DOK6: variants seen among roughly 807,000 people sequenced by gnomAD.
DOK6 encodes the protein docking protein 6.
In DOK6, 22 loss-of-function variants were observed where a neutral mutation model predicts 44.0. The ratio of observed to expected loss-of-function variants is 0.50; its 90% confidence interval spans 0.36 to 0.71. DOK6 has a LOEUF of 0.71. Among genes scored for constraint, DOK6 ranks in the 30% least tolerant of loss-of-function variants. The pLI is 0.00. For missense variants in DOK6, 340 were observed against 416.4 expected, an observed-to-expected ratio of 0.82 and a Z score of 1.60; for synonymous variants, 166 against 145.5, an observed-to-expected ratio of 1.14 and a Z score of -1.01.
Position 69,629,355 on chromosome 18 carries a change from AT to A in DOK6, c.289+29865del, listed in dbSNP as rs952382405. ...AAGATATCAAATATTATAGCTGCTT[AT>A]TTTTTTTCAATCATACTCAATGGCC... On this transcript the variant is annotated intron_variant, in intron 3 of 7. Coordinates refer to ENST00000382713, the MANE Select transcript of DOK6 (RefSeq NM_152721.6). Among the ~76,000 whole-genome samples, 67 of 152,050 alleles carry A rather than the reference AT, an allele frequency of 4.4e-4. 3 individuals carry two copies. Among genetic ancestry groups the A allele is most frequent in the African/African-American group, 1.3e-3 (54 of 41,476 alleles).
intron 1 of DOK6, among the ~76,000 whole-genome samples, chr18:69,490,167 G>C (rs1980695723): frequency 6.6e-6 from 1 of 152,052 alleles, no homozygotes; most frequent in South Asian, 2.1e-4. Context: ...CAAACTTCTT[G>C]CTGTAATGGG....
chr18:69,470,609 C>A (rs1003376154), intron 1 of DOK6, among the ~76,000 whole-genome samples: 2 of 152,040 alleles, frequency 1.3e-5, no homozygotes, highest in African/African-American at 4.8e-5. Context: ...CCCACCCTGC[C>A]CCTTTCTTCC....
At chr18:69,465,684 A>G (rs939118622) in intron 1 of DOK6, among the ~76,000 whole-genome samples, 1 of 150,638 alleles carries the variant, frequency 6.6e-6, no homozygotes, top group African/African-American at 2.4e-5. Flanking sequence ...TATGTGCCAC[A>G]TTTTCTTAAT....
intron 7 of DOK6, among the ~76,000 whole-genome samples, chr18:69,831,794 A>G (rs1981909564): frequency 6.6e-6 from 1 of 152,242 alleles, no homozygotes; most frequent in African/African-American, 2.4e-5. Flanking sequence ...TAATTAAAAC[A>G]AATTGAGTAA....
intron 6 of DOK6, among the ~76,000 whole-genome samples, chr18:69,754,357 A>C (rs1039747975): frequency 2.6e-5 from 4 of 151,638 alleles, no homozygotes; most frequent in African/African-American, 9.7e-5. Context: ...TCTCCAAAAA[A>C]AAAAAAAAAA....
chr18:69,404,770 T>A (rs1459610741), intron 1 of DOK6, among the ~76,000 whole-genome samples: 2 of 144,698 alleles, frequency 1.4e-5, no homozygotes, highest in African/African-American at 5.2e-5. Context: ...TCTGAAGGAG[T>A]GTCTCAGGAT....
intron 3 of DOK6, among the ~76,000 whole-genome samples, chr18:69,600,577 T>A (rs557980354): frequency 6.6e-5 from 10 of 152,276 alleles, no homozygotes; most frequent in African/African-American, 2.4e-4. Context: ...TATAATATCA[T>A]CCAATGATTT....
chr18:69,549,423 G>A (rs949610001), intron 1 of DOK6, among the ~76,000 whole-genome samples: 12 of 151,458 alleles, frequency 7.9e-5, no homozygotes, highest in Admixed American at 6.6e-4. Context: ...TACAATCAGA[G>A]TGAGAAAATG....
At chr18:69,615,782 T>G (rs1258684563) in intron 3 of DOK6, among the ~76,000 whole-genome samples, 1 of 152,186 alleles carries the variant, frequency 6.6e-6, no homozygotes, top group Non-Finnish European at 1.5e-5. Flanking sequence ...CAAAGTTTGA[T>G]GAAACTAAAC....
At chr18:69,786,323 C>T (rs920444108) in intron 7 of DOK6, among the ~76,000 whole-genome samples, 3 of 152,106 alleles carry the variant, frequency 2.0e-5, no homozygotes, top group African/African-American at 7.2e-5. Context: ...TATTTTGATA[C>T]AAGCATATTT....
intron 3 of DOK6, among the ~76,000 whole-genome samples, chr18:69,626,054 A>G (rs931128038): frequency 8.5e-5 from 13 of 152,186 alleles, no homozygotes; most frequent in African/African-American, 3.1e-4. Context: ...ACTTTTGACA[A>G]TGACTGATAG....
intron 4 of DOK6, among the ~76,000 whole-genome samples, chr18:69,688,037 C>G (rs183730371): frequency 6.6e-6 from 1 of 151,966 alleles, no homozygotes; most frequent in Admixed American, 6.6e-5. Flanking sequence ...ATATATACTT[C>G]TATTTCATAT....
intron 1 of DOK6, among the ~76,000 whole-genome samples, chr18:69,549,520 C>G (rs967687298): frequency 2.6e-5 from 4 of 151,480 alleles, no homozygotes; most frequent in African/African-American, 7.3e-5. Flanking sequence ...ATCCATTACC[C>G]CATTTGTCCA....
In DOK6 at chr18:69,848,429, T is replaced by C. The variant is rs955390690; in HGVS notation, c.*7046T>C. On this transcript the variant is annotated 3_prime_UTR_variant, in exon 8 of 8. Transcript: ENST00000382713. ...ATACTTCATTTTTAGTAACAATCTA[T>C]TCTAGATAAATGATAATTTGGGGAC... 1 of 152,198 alleles carries C rather than the reference T, an allele frequency of 6.6e-6. No homozygotes were observed. The highest frequency in any genetic ancestry group is 2.4e-5 in the African/African-American group (1 of 41,466). 9.4% of individuals were successfully genotyped at this position (152,198 alleles called of 1,614,324 possible). A position where few individuals can be genotyped will look rare whatever the true frequency, so the allele number is the denominator to read the frequency against.
intron 1 of DOK6, among the ~76,000 whole-genome samples, chr18:69,534,132 T>C (rs1041449194): frequency 1.3e-5 from 2 of 152,154 alleles, no homozygotes; most frequent in Non-Finnish European, 2.9e-5. Context: ...ATCTGCCAAA[T>C]GGAAGGCTAG....
At chr18:69,786,024 T>C (rs1340189273) in intron 7 of DOK6, among the ~76,000 whole-genome samples, 1 of 152,202 alleles carries the variant, frequency 6.6e-6, no homozygotes, top group African/African-American at 2.4e-5. Context: ...AAAAGACTTT[T>C]GCATATTTGG....
intron 2 of DOK6, among the ~76,000 whole-genome samples, chr18:69,593,283 G>A (rs1465035699): frequency 6.6e-6 from 1 of 151,828 alleles, no homozygotes; most frequent in Admixed American, 6.6e-5. Context: ...GAAGCAAGAG[G>A]ATTGCTTGAA....
chr18:69,730,924 C>T (rs1978379967), intron 5 of DOK6, among the ~76,000 whole-genome samples: 1 of 151,876 alleles, frequency 6.6e-6, no homozygotes, highest in Non-Finnish European at 1.5e-5. Context: ...AAGAGAAACC[C>T]TAGCTCTACA....
chr18:69,485,135 A>C (rs1980537054), intron 1 of DOK6, among the ~76,000 whole-genome samples: 4 of 152,198 alleles, frequency 2.6e-5, no homozygotes, highest in African/African-American at 9.6e-5. Flanking sequence ...GATCGTTTGC[A>C]CATCCCTTTG....
Sources: gnomAD v4.1 joint callset for allele counts (sites outside exome capture counted in the v4.1 genomes callset) on GRCh38, gnomAD v4.1.1 for gene constraint, MANE v1.5 for transcripts, NCBI Gene and HGNC (gene_info 2026-07-23, HGNC 2026-07-21) for gene names.